Variants in ARHGAP24 observed in about 807,000 individuals in gnomAD.
ARHGAP24 encodes rho GTPase-activating protein 24.
A neutral mutation model predicts 76.4 loss-of-function variants in ARHGAP24; 50 were observed. The observed-to-expected ratio is 0.65, with a 90% CI of 0.52 to 0.83. The LOEUF (loss-of-function observed/expected upper bound fraction) is 0.83, where lower values mean the gene tolerates loss of function less well. ARHGAP24 is among the 40% of genes least tolerant of loss of function. The pLI is 0.00. For missense variants in ARHGAP24, 930 were observed against 914.2 expected (o/e 1.02, Z -0.22); for synonymous variants, 345 against 323.3 (o/e 1.07, Z -0.72).
chr4:85,853,423 T>A (rs2167715), intron 3 of ARHGAP24, among the ~76,000 whole-genome samples: 21,853 of 152,134 alleles, frequency 0.14, 1,703 homozygotes, highest in African/African-American at 0.21. Flanking sequence ...TCTGACCCCT[T>A]GTGCTTCCCA....
chr4:85,615,459 C>T (rs191483214), intron 2 of ARHGAP24, among the ~76,000 whole-genome samples: 2 of 152,120 alleles, frequency 1.3e-5, no homozygotes, highest in East Asian at 1.9e-4. Context: ...CTTACCTGTG[C>T]GGAAATAAAT....
At chr4:85,601,487 G>A (rs1720026728) in intron 2 of ARHGAP24, among the ~76,000 whole-genome samples, 1 of 152,148 alleles carries the variant, frequency 6.6e-6, no homozygotes, top group Non-Finnish European at 1.5e-5. Context: ...TGCTATTGGT[G>A]TGTCCTGTGC....
chr4:86,000,933 A>G lies in ARHGAP24; in HGVS notation c.*211A>G. 1.5e-6 allele frequency: 1 copy of G among 664,412 alleles called. No homozygotes were observed. Among genetic ancestry groups the G allele is most frequent in the Admixed American group, 3.0e-5 (1 of 33,732 alleles). The allele number at this position is 664,412 out of a possible 1,614,324, so 41.2% of individuals were successfully genotyped here. A position where few individuals can be genotyped will look rare whatever the true frequency, so the allele number is the denominator to read the frequency against. ...TGCTACTGTCAAGTGTTACAACTGG[A>G]TATGTGTATATAGAGTAGTTTTTCA... On this transcript the variant is annotated 3_prime_UTR_variant, in exon 10 of 10. Coordinates refer to ENST00000395184, the MANE Select transcript of ARHGAP24 (RefSeq NM_001025616.3).
intron 4 of ARHGAP24, among the ~76,000 whole-genome samples, chr4:85,924,101 A>G (rs936398163): frequency 2.6e-5 from 4 of 152,150 alleles, no homozygotes; most frequent in African/African-American, 9.7e-5. Flanking sequence ...AAGAACATCT[A>G]GATATGAAGT....
chr4:85,685,843 T>C (rs1442410010), intron 2 of ARHGAP24, among the ~76,000 whole-genome samples: 11 of 152,222 alleles, frequency 7.2e-5, no homozygotes, highest in Non-Finnish European at 1.3e-4. Context: ...TTTCACAATT[T>C]TATGGGTTAG....
intron 3 of ARHGAP24, among the ~76,000 whole-genome samples, chr4:85,846,771 C>A (rs1164923657): frequency 6.6e-6 from 1 of 152,138 alleles, no homozygotes; most frequent in Non-Finnish European, 1.5e-5. Flanking sequence ...AATAAGGAAA[C>A]AGACTTACAC....
intron 1 of ARHGAP24, among the ~76,000 whole-genome samples, chr4:85,501,919 C>T (rs1183985728): frequency 1.3e-5 from 2 of 151,988 alleles, no homozygotes; most frequent in Non-Finnish European, 2.9e-5. Context: ...AGGAAGGGAT[C>T]CAGTTTCAGC....
At chr4:85,524,837 C>G (rs1470710525) in intron 1 of ARHGAP24, among the ~76,000 whole-genome samples, 2 of 152,154 alleles carry the variant, frequency 1.3e-5, no homozygotes, top group African/African-American at 4.8e-5. Context: ...TGCAAATTCT[C>G]AGGCTGTATA....
At chr4:85,776,243 A>C (rs1727305344) in intron 3 of ARHGAP24, among the ~76,000 whole-genome samples, 1 of 152,106 alleles carries the variant, frequency 6.6e-6, no homozygotes, top group Non-Finnish European at 1.5e-5. Flanking sequence ...GAGAATTCCG[A>C]CTGCCTTGCC....
At chr4:85,991,588 C>T (rs537253345) in intron 8 of ARHGAP24, 1 of 152,184 alleles carries the variant, frequency 6.6e-6, no homozygotes, top group South Asian at 2.1e-4. Context: ...GTGGAAAATA[C>T]CTAGACATGA....
At chr4:85,586,588 G>T (rs1727869166) in intron 2 of ARHGAP24, among the ~76,000 whole-genome samples, 1 of 152,100 alleles carries the variant, frequency 6.6e-6, no homozygotes, top group Non-Finnish European at 1.5e-5. Context: ...TCGTATAAGG[G>T]ATTCTCAGGC....
intron 2 of ARHGAP24, among the ~76,000 whole-genome samples, chr4:85,629,125 A>T (rs952644517): frequency 6.6e-6 from 1 of 152,118 alleles, no homozygotes; most frequent in Non-Finnish European, 1.5e-5. Context: ...TTGTGAATAC[A>T]CTGCAGGATT....
Position 85,972,139 on chromosome 4 carries a change from G to A in ARHGAP24, c.703G>A (p.Ala235Thr), listed in dbSNP as rs1426004955. ...GAAGTATGAAGATTTTTTGTCATGT[G>A]CCAAACTGCTCAGCAAGGAAGAGGA... ...YAKYEDFLSC[A>T]KLLSKEEEAG... The change falls in exon 6 of 10, where the codon GCC becomes ACC. Residue 235 changes from alanine (A) to threonine (T), a missense_variant. By Grantham distance (58) the Ala-to-Thr change is moderately conservative (BLOSUM62 0). Coordinates refer to ENST00000395184, the MANE Select transcript of ARHGAP24 (RefSeq NM_001025616.3). The A allele has an allele frequency of 6.2e-7, 1 of 1,613,374 alleles. No homozygotes were observed. Among genetic ancestry groups the A allele is most frequent in the Non-Finnish European group, 8.5e-7 (1 of 1,179,958 alleles).
rs546565697 is a variant in ARHGAP24 at position 85,779,677 on chromosome 4, G to T, written c.268+57705G>T. Among the ~76,000 whole-genome samples, 5 of 152,114 alleles carry T rather than the reference G, an allele frequency of 3.3e-5. No homozygotes were observed. The South Asian group carries it at 1.0e-3, about 32-fold the overall frequency. Reference sequence around the variant, plus strand: ...ATGGAGGAACATTTCTAAGAAGAGTGAAATTTTCAAAAAGATTTCAAGTCA... The same window carrying T: ...ATGGAGGAACATTTCTAAGAAGAGTTAAATTTTCAAAAAGATTTCAAGTCA... On this transcript the variant is annotated intron_variant, in intron 3 of 9. Transcript: ENST00000395184.
chr4:85,519,642 C>T (rs1355376046), intron 1 of ARHGAP24, among the ~76,000 whole-genome samples: 1 of 152,186 alleles, frequency 6.6e-6, no homozygotes, highest in Non-Finnish European at 1.5e-5. Context: ...GATCAACTGA[C>T]TTAGCCTGGA....
At chr4:85,622,135 T>A (rs1560556644) in intron 2 of ARHGAP24, among the ~76,000 whole-genome samples, 1 of 152,126 alleles carries the variant, frequency 6.6e-6, no homozygotes, top group Non-Finnish European at 1.5e-5. Context: ...TTAGGGTGCA[T>A]GTGCACAACA....
intron 8 of ARHGAP24, among the ~76,000 whole-genome samples, chr4:85,986,472 G>C (rs1232732703): frequency 6.6e-6 from 1 of 152,128 alleles, no homozygotes; most frequent in Non-Finnish European, 1.5e-5. Flanking sequence ...GAAAACAAAT[G>C]AGGGGAACCC....
At chr4:85,851,587 C>A (rs1370336816) in intron 3 of ARHGAP24, among the ~76,000 whole-genome samples, 1 of 152,092 alleles carries the variant, frequency 6.6e-6, no homozygotes, top group East Asian at 1.9e-4. Context: ...TGGCTGGTAC[C>A]AGTTGTTCCT....
intron 3 of ARHGAP24, among the ~76,000 whole-genome samples, chr4:85,761,314 C>T (rs1726723580): frequency 6.6e-6 from 1 of 152,162 alleles, no homozygotes; most frequent in South Asian, 2.1e-4. Context: ...CCAGGCCTTG[C>T]GATGGCTTCT....
Sources: gnomAD v4.1 joint callset for allele counts (sites outside exome capture counted in the v4.1 genomes callset) on GRCh38, gnomAD v4.1.1 for gene constraint, MANE v1.5 for transcripts, NCBI Gene and HGNC (gene_info 2026-07-23, HGNC 2026-07-21) for gene names.